TMOD3: variants seen among roughly 807,000 people sequenced by gnomAD.
TMOD3 encodes tropomodulin-3.
In TMOD3, 20 loss-of-function variants were observed where a neutral mutation model predicts 39.2. The ratio of observed to expected loss-of-function variants is 0.51; its 90% confidence interval spans 0.36 to 0.74. TMOD3 has a LOEUF of 0.74. Among genes scored for constraint, TMOD3 ranks in the 30% least tolerant of loss-of-function variants. The pLI, the probability that TMOD3 is intolerant of heterozygous loss-of-function variation, is 0.00. For missense variants in TMOD3, 381 were observed against 412.8 expected (o/e 0.92, Z 0.67); for synonymous variants, 143 against 145.8 (o/e 0.98, Z 0.14).
chr15:51,875,142 A>T (rs1247896061), intron 3 of TMOD3: 1 of 152,150 alleles, frequency 6.6e-6, no homozygotes, highest in East Asian at 1.9e-4. Context: ...CTTTCTGAGT[A>T]TGTGATTTCT....
rs1032672310 is a variant in TMOD3 at position 51,896,428 on chromosome 15, A to G, written c.637A>G (p.Ile213Val). The G allele has an allele frequency of 7.5e-6, 12 of 1,610,502 alleles. No homozygotes were observed. Among genetic ancestry groups the G allele is most frequent in the Non-Finnish European group, 1.0e-5 (12 of 1,177,486 alleles). The change falls in exon 7 of 10, where the codon ATT becomes GTT. Residue 213 changes from isoleucine (I) to valine (V), a missense_variant. Ile to Val is a conservative substitution (Grantham distance 29). Transcript: ENST00000308580. ...GTTATTGTCTTTCAAGAATATCCCA[A>G]TTCCAACCCTAAAAGATTTTGCAAA... The part of the protein sequence containing the change: ...VNLNNIKNIP[I>V]PTLKDFAKAL...
At chr15:51,892,314 A>G (rs2056597669) in intron 5 of TMOD3, 1 of 148,476 alleles carries the variant, frequency 6.7e-6, no homozygotes, top group African/African-American at 2.5e-5. Flanking sequence ...TGACCACAAA[A>G]AAGTAATGTT....
In TMOD3 at chr15:51,862,987, G is replaced by T; in HGVS notation, c.103G>T (p.Val35Phe). The T allele has an allele frequency of 1.2e-6, 2 of 1,613,622 alleles. No individual in the cohort carries two copies. Among genetic ancestry groups the T allele is most frequent in the Non-Finnish European group, 1.7e-6 (2 of 1,179,776 alleles). Residue 35 changes from valine (V) to phenylalanine (F), a missense_variant, in exon 2 of 10, where the codon GTT becomes TTT. Transcript: ENST00000308580. The stretch of plus-strand genomic sequence containing the variant: ...AACAGAACTGAAACAACTGGAAACT[G>T]TTTTGGATGATCTTGACCCCGAGGT... The part of the protein sequence containing the change: ...SETELKQLET[V>F]LDDLDPENAL...
intron 2 of TMOD3, among the ~76,000 whole-genome samples, chr15:51,863,236 TCTC>T (rs1445912185): frequency 1.3e-5 from 2 of 152,200 alleles, no homozygotes; most frequent in Non-Finnish European, 2.9e-5. Flanking sequence ...TTTTCAAACA[TCTC>T]CTGAAATTTT....
chr15:51,833,306 A>G (rs1039906798), intron 1 of TMOD3: 1 of 152,214 alleles, frequency 6.6e-6, no homozygotes, highest in Non-Finnish European at 1.5e-5. Context: ...CTGAAGATGC[A>G]TTTGTGTAGT....
chr15:51,842,168 A>G (rs1282416748), intron 1 of TMOD3, among the ~76,000 whole-genome samples: 1 of 152,182 alleles, frequency 6.6e-6, no homozygotes, highest in African/African-American at 2.4e-5. Context: ...CTGTCTTAAC[A>G]TCATGAGGCA....
chr15:51,888,689 C>A (rs1335800289), intron 4 of TMOD3, among the ~76,000 whole-genome samples: 1 of 152,098 alleles, frequency 6.6e-6, no homozygotes, highest in Non-Finnish European at 1.5e-5. Flanking sequence ...TAAAAATCTG[C>A]TTTTTGTCAT....
At chr15:51,863,087 C>A in intron 2 of TMOD3, 77 bp downstream of exon 2, 1 of 1,472,050 alleles carries the variant, frequency 6.8e-7, no homozygotes. Context: ...TTGAGCTTTT[C>A]CATGACTTTT....
intron 1 of TMOD3, chr15:51,860,433 A>G (rs2056411509): frequency 1.8e-6 from 1 of 556,026 alleles, no homozygotes; most frequent in African/African-American, 1.9e-5. Context: ...CATCAGCTCC[A>G]TCCTAAAGTA....
intron 1 of TMOD3, among the ~76,000 whole-genome samples, chr15:51,855,409 G>C (rs1023016754): frequency 1.3e-5 from 2 of 152,256 alleles, no homozygotes; most frequent in Non-Finnish European, 2.9e-5. Flanking sequence ...AAAAGCAGGA[G>C]AAACACTGCT....
chr15:51,880,597 T>C (rs2056527790), intron 3 of TMOD3, among the ~76,000 whole-genome samples: 1 of 152,232 alleles, frequency 6.6e-6, no homozygotes, highest in Non-Finnish European at 1.5e-5. Flanking sequence ...TATGTATTTA[T>C]GGCTGACTTC....
At chr15:51,860,062 C>A in intron 1 of TMOD3, 1 of 521,418 alleles carries the variant, frequency 1.9e-6, no homozygotes. Flanking sequence ...AGCATCTGTC[C>A]TCCTTCTGGC....
chr15:51,840,865 T>A (rs2056309691), intron 1 of TMOD3, among the ~76,000 whole-genome samples: 1 of 152,238 alleles, frequency 6.6e-6, no homozygotes, highest in South Asian at 2.1e-4. Flanking sequence ...TTCCTTTTCT[T>A]TTATCTCCAG....
At chr15:51,894,530 TA>T (rs1305358088) in intron 6 of TMOD3, among the ~76,000 whole-genome samples, 1 of 152,220 alleles carries the variant, frequency 6.6e-6, no homozygotes, top group African/African-American at 2.4e-5. Flanking sequence ...AGATATAGAA[TA>T]TATCTGTCAC....
intron 9 of TMOD3, among the ~76,000 whole-genome samples, chr15:51,905,053 C>T (rs2052705): frequency 0.58 from 87,715 of 152,056 alleles, 25,498 homozygotes; most frequent in South Asian, 0.67. Context: ...AGGGCAATTA[C>T]AGATAAAAGC....
At chr15:51,880,528 A>T (rs2056527465) in intron 3 of TMOD3, among the ~76,000 whole-genome samples, 1 of 152,152 alleles carries the variant, frequency 6.6e-6, no homozygotes, top group Non-Finnish European at 1.5e-5. Flanking sequence ...ACAACCACTA[A>T]GCAACTTTCT....
Position 51,839,163 on chromosome 15 carries a change from C to CTTTTTTTTTTTTTTTTTTTTTTTTTTTTT in TMOD3, c.-75+9328_-75+9329insTTTTTTTTTTTTTTTTTTTTTTTTTTTTT, listed in dbSNP as rs111813783. 1.9e-4 allele frequency among the ~76,000 whole-genome samples: 21 copies of CTTTTTTTTTTTTTTTTTTTTTTTTTTTTT among 109,826 alleles called. 2 individuals are homozygous for CTTTTTTTTTTTTTTTTTTTTTTTTTTTTT. The highest frequency in any genetic ancestry group is 3.2e-4 in the Admixed American group (3 of 9,454). 72.1% of individuals were successfully genotyped at this position (109,826 alleles called of 152,430 possible). Reference sequence around the variant, plus strand: ...TGACAGCTAAGAAATAGGTGTATCTCTCTTTTTTTTTTTTTCCATTTTGTT... The same window carrying CTTTTTTTTTTTTTTTTTTTTTTTTTTTTT: ...TGACAGCTAAGAAATAGGTGTATCTCTTTTTTTTTTTTTTTTTTTTTTTTTTTTTTCTTTTTTTTTTTTTCCATTTTGTT... On this transcript the variant is annotated intron_variant, in intron 1 of 9. Transcript: ENST00000308580.
intron 3 of TMOD3, among the ~76,000 whole-genome samples, chr15:51,883,005 A>G (rs978383777): frequency 6.6e-6 from 1 of 152,226 alleles, no homozygotes; most frequent in Non-Finnish European, 1.5e-5. Context: ...TTAAAAGATA[A>G]CTTATTACAG....
chr15:51,896,990 T>C (rs1566866893), intron 7 of TMOD3, among the ~76,000 whole-genome samples: 1 of 152,258 alleles, frequency 6.6e-6, no homozygotes, highest in Non-Finnish European at 1.5e-5. Context: ...GATTGACTTT[T>C]ATATGTTGAA....
Sources: gnomAD v4.1 joint callset for allele counts (sites outside exome capture counted in the v4.1 genomes callset) on GRCh38, gnomAD v4.1.1 for gene constraint, MANE v1.5 for transcripts, NCBI Gene and HGNC (gene_info 2026-07-23, HGNC 2026-07-21) for gene names.